Variants in CCDC7 observed in about 807,000 individuals in gnomAD.
CCDC7 encodes the protein coiled-coil domain-containing protein 7.
CCDC7 carries 183 observed loss-of-function variants against 196.9 expected under a neutral mutation model. The observed-to-expected ratio is 0.93, with a 90% confidence interval of 0.82 to 1.05. CCDC7 has a LOEUF of 1.05. Among genes scored for constraint, CCDC7 ranks in the 50% least tolerant of loss-of-function variants. The probability of loss-of-function intolerance (pLI) is 0.00; values close to 1 mark genes in which losing one functional copy is unlikely to be tolerated. For missense variants in CCDC7, 1,540 were observed against 1,482.2 expected, an observed-to-expected ratio of 1.04 and a Z score of -0.64; for synonymous variants, 525 against 484.6, an observed-to-expected ratio of 1.08 and a Z score of -1.10.
At chr10:32,876,269 TATC>T in intron 41 of CCDC7, 75 bp from the exon 43 acceptor site, 1 of 1,040,624 alleles carries the variant, frequency 9.6e-7, no homozygotes, top group Non-Finnish European at 1.4e-6. Flanking sequence ...TTTTCCATGA[TATC>T]ATATACAATA....
intron 18 of CCDC7, among the ~76,000 whole-genome samples, chr10:32,609,163 T>C (rs1043894607): frequency 6.6e-6 from 1 of 152,212 alleles, no homozygotes; most frequent in African/African-American, 2.4e-5. Flanking sequence ...CTGATGTTTC[T>C]TTGTTTATTT....
At chr10:32,661,898 C>T (rs1478221472) in intron 20 of CCDC7, among the ~76,000 whole-genome samples, 1 of 152,080 alleles carries the variant, frequency 6.6e-6, no homozygotes, top group African/African-American at 2.4e-5. Flanking sequence ...AGTAGATGCC[C>T]CCTAAGTCCA....
intron 9 of CCDC7, among the ~76,000 whole-genome samples, chr10:32,506,856 G>GGGGAGA (rs373707600): frequency 0.041 from 6,254 of 152,020 alleles, 137 homozygotes; most frequent in Middle Eastern, 0.051. Flanking sequence ...TAGAAAGAAA[G>GGGGAGA]GGGAGAGGGA....
chr10:32,802,696 G>A (rs1223346552), intron 29 of CCDC7, among the ~76,000 whole-genome samples: 1 of 152,162 alleles, frequency 6.6e-6, no homozygotes, highest in Non-Finnish European at 1.5e-5. Context: ...AACCTCAAAA[G>A]TAGGGAAGCT....
chr10:32,516,382 G>A (rs1220481334), intron 9 of CCDC7, among the ~76,000 whole-genome samples: 1 of 151,958 alleles, frequency 6.6e-6, no homozygotes, highest in African/African-American at 2.4e-5. Context: ...CCACCTCCTG[G>A]GTTCAAGCAA....
intron 41 of CCDC7, among the ~76,000 whole-genome samples, chr10:32,863,296 A>G (rs902292764): frequency 3.3e-5 from 5 of 152,098 alleles, no homozygotes; most frequent in Admixed American, 2.6e-4. Flanking sequence ...TAATGGCACA[A>G]AAACAGAAAC....
At chr10:32,455,936 G>A (rs1362012613) in intron 2 of CCDC7, among the ~76,000 whole-genome samples, 1 of 151,794 alleles carries the variant, frequency 6.6e-6, no homozygotes, top group Non-Finnish European at 1.5e-5. Flanking sequence ...CCTTTTATTG[G>A]GCCACCCAGA....
chr10:32,739,557 C>T (rs777645047), intron 28 of CCDC7, among the ~76,000 whole-genome samples: 23 of 151,668 alleles, frequency 1.5e-4, no homozygotes, highest in Middle Eastern at 6.4e-3. Flanking sequence ...GTCTTAATAT[C>T]TTAGACATAA....
At chr10:32,849,925 A>T (rs2093480596) in intron 39 of CCDC7, among the ~76,000 whole-genome samples, 1 of 152,024 alleles carries the variant, frequency 6.6e-6, no homozygotes, top group African/African-American at 2.4e-5. Context: ...GCAGGGGGGA[A>T]CTTGGATCCC....
At chr10:32,698,109 G>C (rs1446080134) in intron 24 of CCDC7, among the ~76,000 whole-genome samples, 1 of 149,986 alleles carries the variant, frequency 6.7e-6, no homozygotes, top group African/African-American at 2.4e-5. Context: ...CTACAGCTAA[G>C]GGTCCTGACT....
At chr10:32,498,125 T>C (rs927931323) in intron 9 of CCDC7, among the ~76,000 whole-genome samples, 5 of 152,186 alleles carry the variant, frequency 3.3e-5, no homozygotes, top group African/African-American at 1.2e-4. Flanking sequence ...TCTTGCTGCA[T>C]TGATCCCTTT....
intron 29 of CCDC7, among the ~76,000 whole-genome samples, chr10:32,785,359 C>A (rs1422925813): frequency 6.6e-6 from 1 of 152,030 alleles, no homozygotes; most frequent in East Asian, 1.9e-4. Context: ...AATTTAAAAT[C>A]CTATTTATAA....
chr10:32,811,806 C>T (rs1443240272), intron 30 of CCDC7, among the ~76,000 whole-genome samples: 1 of 152,020 alleles, frequency 6.6e-6, no homozygotes, highest in Non-Finnish European at 1.5e-5. Context: ...TGAACATCAA[C>T]ATAAAAATCC....
intron 16 of CCDC7, among the ~76,000 whole-genome samples, chr10:32,573,665 T>C (rs1564701268): frequency 6.6e-6 from 1 of 152,130 alleles, no homozygotes; most frequent in Admixed American, 6.5e-5. Flanking sequence ...ATGGGGAATA[T>C]AGTACATCAA....
chr10:32,579,614 A>G (rs1443570381), intron 16 of CCDC7, among the ~76,000 whole-genome samples: 1 of 152,212 alleles, frequency 6.6e-6, no homozygotes, highest in Non-Finnish European at 1.5e-5. Flanking sequence ...TACGATGACC[A>G]TGATTTATTA....
At chr10:32,762,076 C>G (rs932351524) in intron 28 of CCDC7, among the ~76,000 whole-genome samples, 1 of 151,778 alleles carries the variant, frequency 6.6e-6, no homozygotes, top group African/African-American at 2.4e-5. Flanking sequence ...AAACTGCATC[C>G]TAAGCACAGT....
chr10:32,491,989 G>A (rs776517599), exon 9 of CCDC7: 2 of 1,566,008 alleles, frequency 1.3e-6, no homozygotes, highest in Non-Finnish European at 1.7e-6. Flanking sequence ...AGGCAAATAT[G>A]TTGGAGAGGT....
chr10:32,821,928 T>A (rs2090309070), intron 31 of CCDC7, among the ~76,000 whole-genome samples: 1 of 151,978 alleles, frequency 6.6e-6, no homozygotes, highest in Non-Finnish European at 1.5e-5. Context: ...ACCTGCACGT[T>A]GTGCACATGT....
chr10:32,489,707 G>A (rs551604136), intron 8 of CCDC7, among the ~76,000 whole-genome samples: 73 of 152,290 alleles, frequency 4.8e-4, no homozygotes, highest in African/African-American at 1.6e-3. Context: ...CAGAGCTAGG[G>A]TTCATTGTGC....
Sources: gnomAD v4.1 joint callset for allele counts (sites outside exome capture counted in the v4.1 genomes callset) on GRCh38, gnomAD v4.1.1 for gene constraint, MANE v1.5 for transcripts, NCBI Gene and HGNC (gene_info 2026-07-23, HGNC 2026-07-21) for gene names.